UBA6: variants seen among roughly 807,000 people sequenced by gnomAD.
UBA6 encodes the protein ubiquitin like modifier activating enzyme 6, also known as ubiquitin-like modifier-activating enzyme 6.
UBA6 carries 87 observed loss-of-function variants against 148.3 expected under a neutral mutation model. The observed-to-expected ratio is 0.59, with a 90% CI of 0.49 to 0.70. The LOEUF is 0.70. Among genes scored for constraint, UBA6 ranks in the 30% least tolerant of loss-of-function variants. The pLI, the probability that UBA6 is intolerant of heterozygous loss-of-function variation, is 0.00. For synonymous variants in UBA6, 376 were observed against 401.0 expected (o/e 0.94, Z 0.75); for missense variants, 1,186 against 1,241.2 (o/e 0.96, Z 0.67).
At chr4:67,662,463 A>ATTT in intron 12 of UBA6, 1 of 433,864 alleles carries the variant, frequency 2.3e-6, no homozygotes, top group Non-Finnish European at 4.0e-6. Context: ...AAATAAGTTT[A>ATTT]GTTTTTTTTG....
Position 67,631,782 on chromosome 4 carries a change from G to C in UBA6, c.2195-11C>G, listed in dbSNP as rs760201759. On this transcript the variant is annotated splice_polypyrimidine_tract_variant and intron_variant, in intron 24 of 32. Coordinates refer to ENST00000322244, the MANE Select transcript of UBA6 (RefSeq NM_018227.6). ...ACTGCCAAAATAAACCTGGCAAAAA[G>C]ATACAAATATCATTTTCAATGTATG... The C allele has an allele frequency of 1.2e-6, 2 of 1,611,154 alleles. No homozygotes were observed. Among genetic ancestry groups the C allele is most frequent in the Non-Finnish European group, 1.7e-6 (2 of 1,178,662 alleles).
At chr4:67,685,269 T>C (rs1420301144) in intron 2 of UBA6, among the ~76,000 whole-genome samples, 1 of 152,208 alleles carries the variant, frequency 6.6e-6, no homozygotes, top group Non-Finnish European at 1.5e-5. Flanking sequence ...ATTAACTTCC[T>C]ACTAAGAAAG....
chr4:67,630,813 C>A (rs780767027), intron 25 of UBA6, among the ~76,000 whole-genome samples: 1 of 151,722 alleles, frequency 6.6e-6, no homozygotes, highest in Non-Finnish European at 1.5e-5. Flanking sequence ...GTGGACAGAA[C>A]CAGAAAACTC....
Position 67,633,394 on chromosome 4 carries a change from T to C in UBA6, c.2093A>G (p.Gln698Arg). 6.2e-7 allele frequency: 1 copy of C among 1,610,818 alleles called. No individual in the cohort carries two copies. Among genetic ancestry groups the C allele is most frequent in the Non-Finnish European group, 8.5e-7 (1 of 1,179,018 alleles). Residue 698 changes from glutamine to arginine, a missense_variant, in exon 23 of 33, where the codon CAG becomes CGG. By Grantham distance (43) the Gln-to-Arg change is conservative. Transcript: ENST00000322244. The part of the protein sequence containing the change: ...LLSRRPRNWS[Q>R]CVELARLKFE... ...CTTTAATCTTGCTAATTCTACACAC[T>C]GGGACCAATTTCTAGGTCTTCTGCT... is the stretch of plus-strand genomic sequence containing the variant.
At chr4:67,698,943 A>G (rs1577848201) in intron 1 of UBA6, among the ~76,000 whole-genome samples, 4 of 152,154 alleles carry the variant, frequency 2.6e-5, no homozygotes, top group Admixed American at 2.6e-4. Flanking sequence ...CTGGGTGACA[A>G]GAGCAAGACT....
At chr4:67,646,907 TCA>T (rs1037326782) in intron 14 of UBA6, 116 bp from the exon 15 acceptor site, 2 of 355,816 alleles carry the variant, frequency 5.6e-6, no homozygotes, top group Non-Finnish European at 9.6e-6. Flanking sequence ...ATAAGGCAAT[TCA>T]GAGTAAAATA....
chr4:67,621,217 A>C (rs1728743296), intron 32 of UBA6, among the ~76,000 whole-genome samples: 1 of 152,242 alleles, frequency 6.6e-6, no homozygotes, highest in African/African-American at 2.4e-5. Flanking sequence ...ATATAAGGCA[A>C]ATTAATGCCT....
chr4:67,630,671 T>C (rs564448538), intron 25 of UBA6, 136 bp from the exon 26 acceptor site: 27 of 567,080 alleles, frequency 4.8e-5, no homozygotes, highest in Admixed American at 3.7e-4. Flanking sequence ...TTTTTTTTTT[T>C]AAGTTAGACA....
rs756348863 is a variant in UBA6, at chr4:67,701,080, C to T, written c.40G>A (p.Glu14Lys). ...SEPVAAHQGE[E>K]ASCSSWGTGS... ...GTCCCCCAGGAAGAACAGGACGCCTCTTCCCCCTGATGGGCGGCCACAGGC... is the reference window on the plus strand; with the variant it reads ...GTCCCCCAGGAAGAACAGGACGCCTTTTCCCCCTGATGGGCGGCCACAGGC... Residue 14 changes from glutamate to lysine, a missense_variant, in exon 1 of 33, where the codon GAG becomes AAG. Physicochemically the swap from Glu to Lys is moderately conservative, Grantham distance 56 (BLOSUM62 1). Coordinates refer to ENST00000322244, the MANE Select transcript of UBA6 (RefSeq NM_018227.6). The T allele has an allele frequency of 3.7e-6, 6 of 1,613,812 alleles. No homozygotes were observed. In the Admixed American group the frequency reaches 8.3e-5, roughly 22 times the overall value.
chr4:67,697,486 C>T (rs545882400), intron 1 of UBA6, among the ~76,000 whole-genome samples: 3 of 152,288 alleles, frequency 2.0e-5, no homozygotes, highest in African/African-American at 4.8e-5. Flanking sequence ...ATACAACTGC[C>T]AAAACAATAA....
At chr4:67,660,112 G>A (rs972893941) in intron 13 of UBA6, among the ~76,000 whole-genome samples, 15 of 152,258 alleles carry the variant, frequency 9.9e-5, no homozygotes, top group African/African-American at 2.6e-4. Flanking sequence ...AGATGGTTTG[G>A]AATTGGAATT....
intron 26 of UBA6, among the ~76,000 whole-genome samples, chr4:67,630,191 G>T (rs1468517404): frequency 6.6e-6 from 1 of 152,116 alleles, no homozygotes; most frequent in Non-Finnish European, 1.5e-5. Context: ...TGCTAAGCAG[G>T]TTATAAATAT....
At chr4:67,655,415 T>G (rs759535054) in intron 13 of UBA6, among the ~76,000 whole-genome samples, 3 of 152,102 alleles carry the variant, frequency 2.0e-5, no homozygotes, top group Non-Finnish European at 4.4e-5. Context: ...ACATGGAAAC[T>G]GAACAACCTG....
chr4:67,638,067 A>G (rs1003290780), intron 19 of UBA6: 4 of 152,344 alleles, frequency 2.6e-5, no homozygotes, highest in Non-Finnish European at 5.9e-5. Context: ...AAGCAAGAAA[A>G]ACAGAACTTC....
At chr4:67,687,514 TATTTGCTGAAC>T (rs1216198406) in intron 2 of UBA6, among the ~76,000 whole-genome samples, 1 of 152,202 alleles carries the variant, frequency 6.6e-6, no homozygotes, top group Non-Finnish European at 1.5e-5. Context: ...AACAAGTAGA[TATTTGCTGAAC>T]ATCTACTCAT....
At position 67,673,708 on chromosome 4, in the gene UBA6, G is replaced by C. The variant is rs1730205833; in HGVS notation, c.535C>G (p.Pro179Ala). ...AATGATACAATTACCTTAATTGGAGGGCACTGAGAACGGCAAAAGTCATTG... is the reference window on the plus strand; with the variant it reads ...AATGATACAATTACCTTAATTGGAGCGCACTGAGAACGGCAAAAGTCATTG... The part of the protein sequence containing the change: ...KINDFCRSQC[P>A]PIKFISADVH... The change falls in exon 7 of 33, where the codon CCT becomes GCT. Residue 179 changes from proline to alanine, a missense_variant. By Grantham distance (27) the Pro-to-Ala change is conservative (BLOSUM62 -1). Transcript: ENST00000322244. 4 of 1,608,392 alleles carry C rather than the reference G, an allele frequency of 2.5e-6. No homozygotes were observed. Among genetic ancestry groups the C allele is most frequent in the Non-Finnish European group, 3.4e-6 (4 of 1,175,942 alleles).
At chr4:67,648,445 G>T (rs1729474027) in intron 14 of UBA6, among the ~76,000 whole-genome samples, 1 of 145,168 alleles carries the variant, frequency 6.9e-6, no homozygotes, top group Non-Finnish European at 1.5e-5. Context: ...TCCAGCCTGG[G>T]TAACAGTGTG....
At chr4:67,670,624 T>A (rs767493599) in intron 7 of UBA6, 32 bp from the exon 8 acceptor site, 5 of 1,554,422 alleles carry the variant, frequency 3.2e-6, no homozygotes, top group African/African-American at 1.4e-5. Context: ...TTCAATCTTA[T>A]TTATATAAAG....
At chr4:67,628,000 T>C (rs1728910296) in intron 27 of UBA6, among the ~76,000 whole-genome samples, 1 of 151,022 alleles carries the variant, frequency 6.6e-6, no homozygotes, top group Non-Finnish European at 1.5e-5. Context: ...TATCCAATTT[T>C]CCATCCATTA....
Sources: gnomAD v4.1 joint callset for allele counts (sites outside exome capture counted in the v4.1 genomes callset) on GRCh38, gnomAD v4.1.1 for gene constraint, MANE v1.5 for transcripts, NCBI Gene and HGNC (gene_info 2026-07-23, HGNC 2026-07-21) for gene names.